Variants in ICE2 observed in about 807,000 individuals in gnomAD.
ICE2 encodes the protein little elongation complex subunit 2.
ICE2 carries 87 observed loss-of-function variants against 105.4 expected under a neutral mutation model. The observed-to-expected ratio is 0.83, with a 90% CI of 0.69 to 0.99. The LOEUF (loss-of-function observed/expected upper bound fraction) is 0.99. Ranked by LOEUF, ICE2 falls within the 50% of genes least tolerant of loss-of-function variation. The probability of loss-of-function intolerance (pLI) is 0.00; values close to 1 mark genes in which losing one functional copy is unlikely to be tolerated. For synonymous variants in ICE2, 399 were observed against 392.0 expected (o/e 1.02, Z -0.21); for missense variants, 1,323 against 1,146.7 (o/e 1.15, Z -2.22).
rs71122858 is a variant in ICE2, at chr15:60,434,520, T to TACACACACAC, written c.2510+1613_2510+1622dup. The stretch of plus-strand genomic sequence containing the variant: ...AATGGATGAATGAATAAAATGTGAT[T>TACACACACAC]ACACACACACACACACACACACACA... On this transcript the variant is annotated intron_variant, in intron 13 of 15. Transcript: ENST00000261520. Among the ~76,000 whole-genome samples, 338 of 144,914 alleles carry TACACACACAC rather than the reference T, an allele frequency of 2.3e-3. 1 individual carries two copies. The highest frequency in any genetic ancestry group is 3.5e-3 in the Non-Finnish European group (231 of 66,472).
intron 11 of ICE2, among the ~76,000 whole-genome samples, chr15:60,447,014 C>CA (rs531841284): frequency 6.6e-6 from 1 of 151,556 alleles, no homozygotes. Flanking sequence ...GTCATACACA[C>CA]AAAAAAATGC....
intron 5 of ICE2, among the ~76,000 whole-genome samples, chr15:60,463,277 A>C (rs2064330636): frequency 6.6e-6 from 1 of 152,234 alleles, no homozygotes; most frequent in Admixed American, 6.5e-5. Context: ...AATTTTCTTA[A>C]GAGTACTGCT....
chr15:60,434,266 T>A (rs1300272962), intron 13 of ICE2, among the ~76,000 whole-genome samples: 2 of 152,216 alleles, frequency 1.3e-5, no homozygotes, highest in Non-Finnish European at 2.9e-5. Context: ...TTCAGTCACG[T>A]GTATAATGAT....
intron 2 of ICE2, among the ~76,000 whole-genome samples, chr15:60,477,123 T>C (rs1361719969): frequency 6.6e-6 from 1 of 152,234 alleles, no homozygotes; most frequent in African/African-American, 2.4e-5. Flanking sequence ...AAAACTATAT[T>C]AAGGTATTAA....
At chr15:60,466,370 C>T (rs1288543499) in intron 5 of ICE2, among the ~76,000 whole-genome samples, 2 of 152,270 alleles carry the variant, frequency 1.3e-5, no homozygotes, top group African/African-American at 2.4e-5. Flanking sequence ...AATACAGTAG[C>T]TGGATTGTTA....
chr15:60,444,858 T>C (rs2063789483), intron 11 of ICE2, among the ~76,000 whole-genome samples: 1 of 152,058 alleles, frequency 6.6e-6, no homozygotes, highest in Admixed American at 6.5e-5. Flanking sequence ...AAGTTTTGTA[T>C]TTTTTTAGTA....
intron 3 of ICE2, 69 bp from the exon 4 acceptor site, chr15:60,468,391 A>G: frequency 8.3e-7 from 1 of 1,201,882 alleles, no homozygotes; most frequent in Non-Finnish European, 1.2e-6. Context: ...GAACTTCATG[A>G]TTCTCAATCA....
At chr15:60,452,840 T>A (rs2063998206) in intron 9 of ICE2, 3 of 984,456 alleles carry the variant, frequency 3.0e-6, no homozygotes, top group Non-Finnish European at 3.6e-6. Flanking sequence ...CTGCCCGAGG[T>A]CACATAGCTA....
Position 60,466,577 on chromosome 15 carries a change from G to A in ICE2, c.528+17C>T. On this transcript the variant is annotated intron_variant, in intron 5 of 15. Transcript: ENST00000261520. ...CTATCACTTCGCAATTTACACAAAT[G>A]TGAGTTGTTTTTTTACCTCTGTGAA... 1 of 1,608,206 alleles carries A rather than the reference G, an allele frequency of 6.2e-7. No individual in the cohort carries two copies. The highest frequency in any genetic ancestry group is 8.5e-7 in the Non-Finnish European group (1 of 1,179,104).
chr15:60,465,184 G>C (rs1293124425), intron 5 of ICE2, among the ~76,000 whole-genome samples: 1 of 151,846 alleles, frequency 6.6e-6, no homozygotes, highest in South Asian at 2.1e-4. Flanking sequence ...CTTCCTTACA[G>C]TGTTTTTTTT....
chr15:60,437,216 C>T (rs1037196155), intron 12 of ICE2, among the ~76,000 whole-genome samples: 1 of 151,884 alleles, frequency 6.6e-6, no homozygotes, highest in Non-Finnish European at 1.5e-5. Context: ...TACAGTGCTA[C>T]AGCACTCCAG....
chr15:60,472,379 T>C (rs990667181), intron 3 of ICE2, among the ~76,000 whole-genome samples: 1 of 152,102 alleles, frequency 6.6e-6, no homozygotes, highest in African/African-American at 2.4e-5. Flanking sequence ...ACTGTAATAA[T>C]TATTACAGCA....
chr15:60,433,817 T>A (rs867250181), intron 13 of ICE2, among the ~76,000 whole-genome samples: 114 of 151,126 alleles, frequency 7.5e-4, no homozygotes, highest in African/African-American at 2.4e-3. Context: ...AAAAAAAAAA[T>A]GTTTTTCAAT....
chr15:60,472,494 T>C (rs929377833), intron 3 of ICE2, among the ~76,000 whole-genome samples: 3 of 152,216 alleles, frequency 2.0e-5, no homozygotes, highest in Non-Finnish European at 4.4e-5. Context: ...ACTTGTGTAT[T>C]TTTTCTATAG....
At chr15:60,466,205 G>C (rs1412638237) in intron 5 of ICE2, among the ~76,000 whole-genome samples, 1 of 152,130 alleles carries the variant, frequency 6.6e-6, no homozygotes, top group Non-Finnish European at 1.5e-5. Context: ...TTTGTGGCTG[G>C]TTACCACAAA....
chr15:60,441,461 A>G (rs1052540322), intron 12 of ICE2: 2 of 152,248 alleles, frequency 1.3e-5, no homozygotes, highest in Non-Finnish European at 2.9e-5. Flanking sequence ...GCTATGCAGT[A>G]TAACACAAAA....
chr15:60,447,825 T>C, intron 11 of ICE2, 145 bp downstream of exon 11: 1 of 626,326 alleles, frequency 1.6e-6, no homozygotes, highest in Non-Finnish European at 2.7e-6. Flanking sequence ...CTCAGCATTT[T>C]AGTAAAAACA....
chr15:60,444,133 A>G (rs1478667661), intron 11 of ICE2, among the ~76,000 whole-genome samples: 1 of 152,088 alleles, frequency 6.6e-6, no homozygotes, highest in Admixed American at 6.6e-5. Context: ...AATTTGCTCA[A>G]GGACACATAG....
chr15:60,468,017 A>T (rs770581322), intron 4 of ICE2, 44 bp downstream of exon 4: 1 of 1,448,712 alleles, frequency 6.9e-7, no homozygotes, highest in South Asian at 1.5e-5. Context: ...AATATTTCCT[A>T]ATTTTTATTA....
Sources: gnomAD v4.1 joint callset for allele counts (sites outside exome capture counted in the v4.1 genomes callset) on GRCh38, gnomAD v4.1.1 for gene constraint, MANE v1.5 for transcripts, NCBI Gene and HGNC (gene_info 2026-07-23, HGNC 2026-07-21) for gene names.